Variants in DSCAM observed in about 807,000 individuals in gnomAD.
DSCAM encodes the protein cell adhesion molecule DSCAM.
Under a neutral mutation model 217.7 loss-of-function variants are expected in DSCAM, and 47 were observed. The observed-to-expected ratio is 0.22, with a 90% CI of 0.17 to 0.28. The LOEUF is 0.28. Among genes scored for constraint, DSCAM ranks in the 10% least tolerant of loss-of-function variants. DSCAM has a pLI of 1.00. For missense variants in DSCAM, 2,080 were observed against 2,618.3 expected, an observed-to-expected ratio of 0.79 and a Z score of 4.49; for synonymous variants, 1,056 against 1,015.3, an observed-to-expected ratio of 1.04 and a Z score of -0.76.
Position 40,265,206 on chromosome 21 carries a change from G to GA in DSCAM, c.2356+10890dup, listed in dbSNP as rs984974458. Among the ~76,000 whole-genome samples the GA allele has an allele frequency of 1.4e-3, 199 of 137,822 alleles. 1 individual carries two copies. Among genetic ancestry groups the GA allele is most frequent in the South Asian group, 9.3e-3 (40 of 4,322 alleles). 90.4% of individuals were successfully genotyped at this position (137,822 alleles called of 152,430 possible). On this transcript the variant is annotated intron_variant, in intron 11 of 32. Coordinates refer to ENST00000400454, the MANE Select transcript of DSCAM (RefSeq NM_001389.5). ...GCAAAATTCCGTCTCAAAAAAAAAAGAAAAAAAAAAGAACTCAACCCCTTT... is the reference window on the plus strand; with the variant it reads ...GCAAAATTCCGTCTCAAAAAAAAAAGAAAAAAAAAAAGAACTCAACCCCTTT...
intron 6 of DSCAM, among the ~76,000 whole-genome samples, chr21:40,339,751 C>T (rs201834422): frequency 7.2e-6 from 1 of 139,496 alleles, no homozygotes; most frequent in Non-Finnish European, 1.6e-5. Context: ...AAGTTATAAA[C>T]AGACGGAAAA....
intron 11 of DSCAM, among the ~76,000 whole-genome samples, chr21:40,234,205 G>C (rs765928837): frequency 6.6e-6 from 1 of 152,158 alleles, no homozygotes; most frequent in Non-Finnish European, 1.5e-5. Flanking sequence ...ATGGTGCCTG[G>C]GTCAAGGTAA....
At chr21:40,439,696 G>A (rs1036411032) in intron 3 of DSCAM, among the ~76,000 whole-genome samples, 1 of 152,148 alleles carries the variant, frequency 6.6e-6, no homozygotes, top group African/African-American at 2.4e-5. Context: ...CACGTGGCTG[G>A]GGAGCCCTCA....
At chr21:40,592,642 C>T (rs995493149) in intron 3 of DSCAM, among the ~76,000 whole-genome samples, 3 of 152,154 alleles carry the variant, frequency 2.0e-5, no homozygotes, top group Non-Finnish European at 2.9e-5. Context: ...CTTCTTCCTT[C>T]ACATTCAAGT....
intron 10 of DSCAM, among the ~76,000 whole-genome samples, chr21:40,294,029 C>T (rs2073926162): frequency 6.6e-6 from 1 of 152,146 alleles, no homozygotes; most frequent in African/African-American, 2.4e-5. Flanking sequence ...TATCTTTGAT[C>T]ATCTTTGAGT....
At chr21:40,108,354 A>G (rs574375137) in intron 20 of DSCAM, among the ~76,000 whole-genome samples, 13 of 152,314 alleles carry the variant, frequency 8.5e-5, no homozygotes, top group African/African-American at 3.1e-4. Flanking sequence ...CCTATCCTCT[A>G]ACAACAGTCA....
At chr21:40,582,240 G>T (rs1454429455) in intron 3 of DSCAM, among the ~76,000 whole-genome samples, 2 of 152,134 alleles carry the variant, frequency 1.3e-5, no homozygotes, top group African/African-American at 4.8e-5. Flanking sequence ...TCTGCATCTT[G>T]CTGAAGTGTT....
At chr21:40,173,820 A>G (rs1888502) in intron 15 of DSCAM, among the ~76,000 whole-genome samples, 66,714 of 152,080 alleles carry the variant, frequency 0.44, 15,782 homozygotes, top group African/African-American at 0.63. Flanking sequence ...GTGACTCTGC[A>G]TCATGACCCT....
intron 1 of DSCAM, among the ~76,000 whole-genome samples, chr21:40,761,318 A>T (rs1201764357): frequency 6.6e-6 from 1 of 152,120 alleles, no homozygotes; most frequent in Non-Finnish European, 1.5e-5. Context: ...TAGAATCTAC[A>T]TGTATTTCCT....
chr21:40,062,136 TG>T (rs1210873212), intron 28 of DSCAM, among the ~76,000 whole-genome samples: 1 of 152,104 alleles, frequency 6.6e-6, no homozygotes, highest in African/African-American at 2.4e-5. Flanking sequence ...GGGGACTGGG[TG>T]GAAAATAGAG....
intron 1 of DSCAM, among the ~76,000 whole-genome samples, chr21:40,767,848 C>CA (rs546791627): frequency 3.3e-5 from 5 of 151,516 alleles, no homozygotes; most frequent in African/African-American, 4.9e-5. Context: ...CCAGTTTAGT[C>CA]AGTTATGATC....
intron 11 of DSCAM, among the ~76,000 whole-genome samples, chr21:40,194,587 A>G (rs1235438033): frequency 6.6e-6 from 1 of 152,224 alleles, no homozygotes; most frequent in East Asian, 1.9e-4. Context: ...AAAATTACCC[A>G]TTGAGGAAGG....
At chr21:40,524,813 A>G (rs58185852) in intron 3 of DSCAM, among the ~76,000 whole-genome samples, 11,366 of 151,994 alleles carry the variant, frequency 0.075, 684 homozygotes, top group African/African-American at 0.17. Flanking sequence ...GTTCAAGACA[A>G]GCCTGACCAA....
At chr21:40,483,120 TAGA>T (rs1312947885) in intron 3 of DSCAM, among the ~76,000 whole-genome samples, 1 of 152,360 alleles carries the variant, frequency 6.6e-6, no homozygotes, top group East Asian at 1.9e-4. Flanking sequence ...TCTGCATCTC[TAGA>T]AGATTAGAAA....
chr21:40,038,875 G>C (rs1056358170), intron 32 of DSCAM, among the ~76,000 whole-genome samples: 2 of 151,468 alleles, frequency 1.3e-5, no homozygotes, highest in African/African-American at 4.8e-5. Context: ...TAGGGACATG[G>C]ATGAAATTGG....
At chr21:40,651,696 T>C (rs929061452) in intron 3 of DSCAM, among the ~76,000 whole-genome samples, 7 of 152,224 alleles carry the variant, frequency 4.6e-5, no homozygotes, top group Admixed American at 1.3e-4. Context: ...TCTTATATCT[T>C]ACATGCATAT....
chr21:40,309,663 A>C (rs1053945902), intron 9 of DSCAM, among the ~76,000 whole-genome samples: 2 of 152,128 alleles, frequency 1.3e-5, no homozygotes. Context: ...TTATTAGGCA[A>C]AGCATGATTC....
At chr21:40,061,234 G>T (rs1233345931) in intron 28 of DSCAM, among the ~76,000 whole-genome samples, 7 of 152,052 alleles carry the variant, frequency 4.6e-5, no homozygotes, top group Non-Finnish European at 1.0e-4. Flanking sequence ...CCTAATCTTG[G>T]CAGATGGCAC....
intron 4 of DSCAM, among the ~76,000 whole-genome samples, chr21:40,362,338 A>G (rs1267854148): frequency 6.6e-6 from 1 of 152,176 alleles, no homozygotes; most frequent in Non-Finnish European, 1.5e-5. Context: ...TTGCTTGTCC[A>G]TGTCATCATT....
Sources: allele counts gnomAD v4.1 joint callset (sites outside exome capture counted in the v4.1 genomes callset), GRCh38; gene constraint gnomAD v4.1.1; transcripts MANE v1.5; gene names NCBI Gene and HGNC (gene_info 2026-07-23, HGNC 2026-07-21).